Variants in UQCRH observed in about 807,000 individuals in gnomAD.
UQCRH encodes the protein ubiquinol-cytochrome c reductase hinge protein.
Under a neutral mutation model 16.3 loss-of-function variants are expected in UQCRH, and 14 were observed. The ratio of observed to expected loss-of-function variants is 0.86; its 90% confidence interval spans 0.57 to 1.34. The LOEUF (loss-of-function observed/expected upper bound fraction) is 1.34, where lower values mean the gene tolerates loss of function less well. Among genes scored for constraint, UQCRH ranks in the 40% most tolerant of loss-of-function variants. The probability of loss-of-function intolerance (pLI) is 0.00; values close to 1 mark genes in which losing one functional copy is unlikely to be tolerated. For synonymous variants in UQCRH, 41 were observed against 41.9 expected, an observed-to-expected ratio of 0.98 and a Z score of 0.08; for missense variants, 89 against 111.9, an observed-to-expected ratio of 0.80 and a Z score of 0.92.
Position 46,316,707 on chromosome 1 carries a change from TGG to T in UQCRH, c.*124_*125del. ...TAAGTTCACATGAACCTCATGGGTT[TGG>T]CTTAGGCTGGTAGCTTCTATGTAAT... On this transcript the variant is annotated 3_prime_UTR_variant, in exon 4 of 4. Transcript: ENST00000311672. 7.0e-7 allele frequency: 1 copy of T among 1,423,926 alleles called. No individual in the cohort carries two copies. The highest frequency in any genetic ancestry group is 9.5e-7 in the Non-Finnish European group (1 of 1,050,192). 88.2% of individuals were successfully genotyped at this position (1,423,926 alleles called of 1,614,324 possible).
At chr1:46,303,918 C>A in intron 1 of UQCRH, 98 bp downstream of exon 1, 1 of 1,536,032 alleles carries the variant, frequency 6.5e-7, no homozygotes, top group Non-Finnish European at 8.9e-7. Flanking sequence ...CCCAGTTTAC[C>A]CTCTAGGGTT....
At chr1:46,314,534 G>T (rs529478265) in intron 3 of UQCRH, among the ~76,000 whole-genome samples, 2 of 151,868 alleles carry the variant, frequency 1.3e-5, no homozygotes, top group East Asian at 3.9e-4. Context: ...GGCTGCGCAT[G>T]GTGGTATATG....
intron 3 of UQCRH, among the ~76,000 whole-genome samples, chr1:46,314,983 T>C (rs1458154979): frequency 6.6e-6 from 1 of 152,198 alleles, no homozygotes; most frequent in Non-Finnish European, 1.5e-5. Context: ...GGGAATGCAC[T>C]TAACTGCCAC....
At chr1:46,314,343 G>A (rs1661538381) in intron 3 of UQCRH, among the ~76,000 whole-genome samples, 1 of 145,418 alleles carries the variant, frequency 6.9e-6, no homozygotes, top group African/African-American at 2.6e-5. Context: ...TTCAGCCTGG[G>A]TACAGAGCAA....
At chr1:46,309,783 A>G in intron 2 of UQCRH, 1 of 1,044,178 alleles carries the variant, frequency 9.6e-7, no homozygotes, top group East Asian at 5.9e-5. Context: ...TTCTCAGACA[A>G]GGGGATTTGA....
In UQCRH at chr1:46,316,588, T is replaced by C. The variant is rs1242833020; in HGVS notation, c.*4T>C. ...ACTCTTTAACAACTTGAAATAAATG[T>C]GTGGACTTAATTCACCCCAGTCTTC... On this transcript the variant is annotated 3_prime_UTR_variant, in exon 4 of 4. Coordinates refer to ENST00000311672, the MANE Select transcript of UQCRH (RefSeq NM_006004.4). The C allele has an allele frequency of 1.9e-6, 3 of 1,612,786 alleles. No individual in the cohort carries two copies. Among genetic ancestry groups the C allele is most frequent in the Non-Finnish European group, 2.5e-6 (3 of 1,179,786 alleles).
intron 1 of UQCRH, 54 bp from the exon 2 acceptor site, chr1:46,309,047 G>A: frequency 6.3e-7 from 1 of 1,581,356 alleles, no homozygotes; most frequent in Non-Finnish European, 8.7e-7. Flanking sequence ...GTATGATCAG[G>A]AATAAATATG....
intron 3 of UQCRH, among the ~76,000 whole-genome samples, chr1:46,315,591 CAAAAAA>C (rs35586591): frequency 1.2e-5 from 1 of 84,566 alleles, no homozygotes. Flanking sequence ...AAGACTGCCT[CAAAAAA>C]AAAAAAAAAA....
At chr1:46,303,965 C>A in intron 1 of UQCRH, 145 bp downstream of exon 1, 1 of 1,031,420 alleles carries the variant, frequency 9.7e-7, no homozygotes, top group East Asian at 2.6e-5. Context: ...CGACCTTTCC[C>A]CAGAATTCGT....
In UQCRH at chr1:46,303,716, G is replaced by T; in HGVS notation, c.-51G>T. 2 of 1,613,780 alleles carry T rather than the reference G, an allele frequency of 1.2e-6. No individual in the cohort carries two copies. The highest frequency in any genetic ancestry group is 1.7e-6 in the Non-Finnish European group (2 of 1,179,826). On this transcript the variant is annotated 5_prime_UTR_variant, in exon 1 of 4. Coordinates refer to ENST00000311672, the MANE Select transcript of UQCRH (RefSeq NM_006004.4). ...ACAAGTCCTTCTTGATCCTGAACTG[G>T]GTTAGGTGCCGCTGTTGCTGCTCGT...
At chr1:46,308,369 T>A (rs1445896812) in intron 1 of UQCRH, among the ~76,000 whole-genome samples, 1 of 152,158 alleles carries the variant, frequency 6.6e-6, no homozygotes, top group Non-Finnish European at 1.5e-5. Flanking sequence ...GCACCTTGGT[T>A]TCTATGGGAA....
At chr1:46,310,435 C>T in intron 3 of UQCRH, 119 bp downstream of exon 3, 1 of 1,439,968 alleles carries the variant, frequency 6.9e-7, no homozygotes. Context: ...ATATATGTGA[C>T]ATATGGTGCG....
In UQCRH at chr1:46,308,963, A is replaced by G. The variant is rs75777972; in HGVS notation, c.55-138A>G. 1,528 of 1,103,048 alleles carry G rather than the reference A, an allele frequency of 1.4e-3. 17 individuals carry two copies. Among genetic ancestry groups the G allele is most frequent in the South Asian group, 0.013 (930 of 69,410 alleles). 68.3% of individuals were successfully genotyped at this position (1,103,048 alleles called of 1,614,324 possible). A position where few individuals can be genotyped will look rare whatever the true frequency, so the allele number is the denominator to read the frequency against. On this transcript the variant is annotated intron_variant, in intron 1 of 3. Transcript: ENST00000311672. ...AGGATTAGCAAGGCCTCTAAAATGT[A>G]AAAACATCATAAAACACAGAAAACA... is the stretch of plus-strand genomic sequence containing the variant.
At chr1:46,309,742 C>G (rs936983293) in intron 2 of UQCRH, 14 of 451,572 alleles carry the variant, frequency 3.1e-5, no homozygotes, top group African/African-American at 2.9e-4. Context: ...CATTGCCTTT[C>G]TAGTTGGGCA....
At chr1:46,305,597 A>AT (rs1661358291) in intron 1 of UQCRH, among the ~76,000 whole-genome samples, 1 of 151,202 alleles carries the variant, frequency 6.6e-6, no homozygotes, top group Non-Finnish European at 1.5e-5. Context: ...TACTGAAAAT[A>AT]CAAAAAATTA....
At chr1:46,307,302 C>T (rs2148333283) in intron 1 of UQCRH, among the ~76,000 whole-genome samples, 1 of 152,304 alleles carries the variant, frequency 6.6e-6, no homozygotes, top group South Asian at 2.1e-4. Context: ...ACCTCAGCCT[C>T]CCAAAGTGCT....
chr1:46,304,512 G>A (rs955694882), intron 1 of UQCRH, among the ~76,000 whole-genome samples: 4 of 151,520 alleles, frequency 2.6e-5, no homozygotes, highest in Non-Finnish European at 5.9e-5. Context: ...CAGCCTCCCA[G>A]GTAGCTGGGA....
chr1:46,310,867 A>C (rs1441183632), intron 3 of UQCRH, among the ~76,000 whole-genome samples: 1 of 151,656 alleles, frequency 6.6e-6, no homozygotes, highest in Non-Finnish European at 1.5e-5. Context: ...GGAGATCGAG[A>C]CCATCCTGGC....
intron 3 of UQCRH, among the ~76,000 whole-genome samples, chr1:46,313,729 A>G (rs1661526903): frequency 6.6e-6 from 1 of 151,832 alleles, no homozygotes; most frequent in South Asian, 2.1e-4. Flanking sequence ...AGTCCTAGCT[A>G]CTTGGGAGGC....
Sources: gnomAD v4.1 joint callset for allele counts (sites outside exome capture counted in the v4.1 genomes callset) on GRCh38, gnomAD v4.1.1 for gene constraint, MANE v1.5 for transcripts, NCBI Gene and HGNC (gene_info 2026-07-23, HGNC 2026-07-21) for gene names.